LAMA1: variants seen among roughly 807,000 people sequenced by gnomAD.
LAMA1 encodes laminin subunit alpha 1.
Under a neutral mutation model 348.7 loss-of-function variants are expected in LAMA1, and 219 were observed. The observed-to-expected ratio is 0.63, with a 90% CI of 0.56 to 0.70. LAMA1 has a LOEUF of 0.70. LAMA1 is among the 30% of genes least tolerant of loss of function. The probability of loss-of-function intolerance (pLI) is 0.00; values close to 1 mark genes in which losing one functional copy is unlikely to be tolerated. For missense variants in LAMA1, 3,744 were observed against 3,888.0 expected (o/e 0.96, Z 0.99); for synonymous variants, 1,487 against 1,491.0 (o/e 1.00, Z 0.06).
intron 3 of LAMA1, among the ~76,000 whole-genome samples, chr18:7,062,480 G>A (rs997628712): frequency 6.6e-6 from 1 of 152,138 alleles, no homozygotes; most frequent in Non-Finnish European, 1.5e-5. Flanking sequence ...TGGTTAAAAC[G>A]CTTAGACCAT....
intron 1 of LAMA1, among the ~76,000 whole-genome samples, chr18:7,084,673 T>C (rs1408447969): frequency 2.0e-5 from 3 of 152,338 alleles, no homozygotes; most frequent in Admixed American, 2.0e-4. Context: ...TTTTAAACCC[T>C]TTCTGTACAC....
chr18:7,049,823 T>A (rs189595390), intron 4 of LAMA1, among the ~76,000 whole-genome samples: 22 of 152,350 alleles, frequency 1.4e-4, no homozygotes, highest in Non-Finnish European at 1.3e-4. Flanking sequence ...AAAATCTGTA[T>A]GTTTTCCTGA....
At chr18:7,074,957 T>C (rs1044891892) in intron 3 of LAMA1, among the ~76,000 whole-genome samples, 1 of 44,910 alleles carries the variant, frequency 2.2e-5, no homozygotes, top group Non-Finnish European at 4.2e-5. Context: ...CCAAACCTAA[T>C]ACATAGAGGC....
At chr18:6,972,245 G>A (rs565183233) in intron 47 of LAMA1, 3 of 425,682 alleles carry the variant, frequency 7.0e-6, no homozygotes, top group Non-Finnish European at 1.3e-5. Flanking sequence ...TTGTACGAGT[G>A]AGAAAACAGA....
intron 1 of LAMA1, among the ~76,000 whole-genome samples, chr18:7,112,082 T>C (rs1371355060): frequency 1.3e-5 from 2 of 152,200 alleles, no homozygotes; most frequent in African/African-American, 4.8e-5. Context: ...TTTTTTAAAA[T>C]TCTCTATGGC....
intron 48 of LAMA1, among the ~76,000 whole-genome samples, chr18:6,969,493 A>G (rs2057648724): frequency 6.6e-6 from 1 of 152,206 alleles, no homozygotes; most frequent in South Asian, 2.1e-4. Flanking sequence ...TTTTTAACTC[A>G]GTGTTTCCCA....
At chr18:6,949,407 T>C (rs1407956314) in intron 58 of LAMA1, 148 bp from the exon 59 acceptor site, 1 of 820,862 alleles carries the variant, frequency 1.2e-6, no homozygotes, top group African/African-American at 1.7e-5. Flanking sequence ...TTTTAGACAG[T>C]TGGTGACGAA....
chr18:7,070,395 C>G (rs1188792132), intron 3 of LAMA1, among the ~76,000 whole-genome samples: 3 of 152,156 alleles, frequency 2.0e-5, no homozygotes, highest in African/African-American at 7.2e-5. Context: ...AATTTAGATG[C>G]AATTCTTGCA....
intron 43 of LAMA1, 143 bp downstream of exon 43, chr18:6,978,053 C>T (rs184620098): frequency 4.6e-6 from 6 of 1,308,424 alleles, no homozygotes; most frequent in Non-Finnish European, 5.5e-6. Context: ...TCCCAAGGTC[C>T]TTCTCTTAAT....
chr18:6,943,100 C>T (rs1259917675), intron 62 of LAMA1, 80 bp downstream of exon 62: 2 of 1,214,302 alleles, frequency 1.6e-6, no homozygotes, highest in Admixed American at 1.8e-5. Context: ...TTCTCAATCC[C>T]TATTCTACAT....
chr18:6,958,586 T>C lies in LAMA1; in HGVS notation c.7855A>G (p.Asn2619Asp). Residue 2619 changes from asparagine (N) to aspartate (D), a missense_variant, in exon 55 of 63, where the codon AAT becomes GAT. Around this residue, in one of 3 missense-constraint regions of LAMA1, gnomAD observed 1,983 missense variants for 1,934.3 expected, o/e 1.03. Coordinates refer to ENST00000389658, the MANE Select transcript of LAMA1 (RefSeq NM_005559.4). ...CCCCCGACGTACAGATTGGACACAT[T>C]TATCGTCCTGCTTTCTACTAATGTG... Reference protein sequence around the residue: ...LGTLVESRTINVSNLYVGGIP... With the variant: ...LGTLVESRTIDVSNLYVGGIP... The C allele has an allele frequency of 1.9e-6, 3 of 1,614,152 alleles. No individual in the cohort carries two copies. The highest frequency in any genetic ancestry group is 3.3e-4 in the Middle Eastern group (2 of 6,062).
chr18:7,079,127 C>A (rs2143780602), intron 3 of LAMA1, among the ~76,000 whole-genome samples: 1 of 152,298 alleles, frequency 6.6e-6, no homozygotes, highest in South Asian at 2.1e-4. Context: ...TTACTTGTGT[C>A]TTTTAACCGA....
At chr18:7,115,441 A>C (rs2058351552) in intron 1 of LAMA1, among the ~76,000 whole-genome samples, 1 of 152,152 alleles carries the variant, frequency 6.6e-6, no homozygotes, top group African/African-American at 2.4e-5. Flanking sequence ...ATTAAATTTC[A>C]AAGGAAAGTG....
At chr18:7,071,552 C>G (rs2058145992) in intron 3 of LAMA1, among the ~76,000 whole-genome samples, 1 of 152,168 alleles carries the variant, frequency 6.6e-6, no homozygotes. Flanking sequence ...ACAGAAAAAG[C>G]ACCAAAATGT....
Position 7,089,720 on chromosome 18 carries a change from C to T in LAMA1, c.62-9263G>A, listed in dbSNP as rs73938573. On this transcript the variant is annotated intron_variant, in intron 1 of 62. Coordinates refer to ENST00000389658, the MANE Select transcript of LAMA1 (RefSeq NM_005559.4). ...AACATAATTATTATCTGATTTCTTG[C>T]ACTTGATGCTCCAGCACGTTTTCAG... Among the ~76,000 whole-genome samples, 506 of 152,312 alleles carry T rather than the reference C, an allele frequency of 3.3e-3. 1 individual carries two copies. The highest frequency in any genetic ancestry group is 0.012 in the African/African-American group (486 of 41,568).
intron 19 of LAMA1, among the ~76,000 whole-genome samples, chr18:7,020,728 C>A (rs113336833): frequency 0.019 from 2,868 of 152,292 alleles, 43 homozygotes; most frequent in Non-Finnish European, 0.028. Context: ...ACCTATTTTA[C>A]GTCTTCTCTT....
At chr18:7,052,239 G>A (rs2058064817) in intron 3 of LAMA1, among the ~76,000 whole-genome samples, 1 of 150,858 alleles carries the variant, frequency 6.6e-6, no homozygotes, top group African/African-American at 2.4e-5. Context: ...GAACACCCAG[G>A]GGCAACATGG....
chr18:7,116,771 A>T, intron 1 of LAMA1, among the ~76,000 whole-genome samples: 1 of 152,052 alleles, frequency 6.6e-6, no homozygotes, highest in East Asian at 1.9e-4. Flanking sequence ...AAGGGAAAAG[A>T]ATTCTTTCTT....
chr18:7,080,015 C>G lies in LAMA1; in HGVS notation c.305G>C (p.Arg102Thr), dbSNP rs2058186477. The G allele has an allele frequency of 6.2e-7, 1 of 1,614,042 alleles. No individual in the cohort carries two copies. Among genetic ancestry groups the G allele is most frequent in the Non-Finnish European group, 8.5e-7 (1 of 1,179,978 alleles). Residue 102 changes from arginine to threonine, a missense_variant, in exon 3 of 63, where the codon AGA (arginine) becomes ACA (threonine). Physicochemically the swap from Arg to Thr is moderately conservative, Grantham distance 71 (BLOSUM62 -1). This residue lies in a region of LAMA1 where 1,529 missense variants were observed against 1,689.4 expected (regional missense o/e 0.91). Transcript: ENST00000389658. ...AGTGATTGTGACCCAGTGATATTCT[C>G]TCCCATTCTGAATGCTGGGACTTTG... ...WWQSPSIQNGREYHWVTITLD... is the reference protein window; with the variant it reads ...WWQSPSIQNGTEYHWVTITLD...
Sources: allele counts gnomAD v4.1 joint callset (sites outside exome capture counted in the v4.1 genomes callset), GRCh38; gene constraint gnomAD v4.1.1; regional missense constraint gnomAD v4.1.1; transcripts MANE v1.5; gene names NCBI Gene and HGNC (gene_info 2026-07-23, HGNC 2026-07-21).